Variants in CADM2 observed in about 807,000 individuals in gnomAD.
The protein encoded by CADM2 is cell adhesion molecule 2.
In CADM2, 12 loss-of-function variants were observed where a neutral mutation model predicts 49.8. The observed-to-expected ratio is 0.24, with a 90% CI of 0.15 to 0.39. The LOEUF (loss-of-function observed/expected upper bound fraction) is 0.39, where lower values mean the gene tolerates loss of function less well. Among genes scored for constraint, CADM2 ranks in the 10% least tolerant of loss-of-function variants. The pLI is 1.00. For missense variants in CADM2, 378 were observed against 492.3 expected (o/e 0.77, Z 2.20); for synonymous variants, 214 against 175.4 (o/e 1.22, Z -1.74).
At chr3:85,132,626 T>TTTTATA (rs1553686672) in intron 1 of CADM2, among the ~76,000 whole-genome samples, 424 of 146,890 alleles carry the variant, frequency 2.9e-3, no homozygotes, top group African/African-American at 9.1e-3. Context: ...CAAGGATATA[T>TTTTATA]TATATATATA....
chr3:85,256,766 T>C (rs34178549), intron 1 of CADM2, among the ~76,000 whole-genome samples: 6,787 of 152,174 alleles, frequency 0.045, 257 homozygotes, highest in Non-Finnish European at 0.059. Flanking sequence ...TCTGTAACTG[T>C]TTTGGTTGTT....
At chr3:85,383,503 CATATATATATATGTATATAT>C (rs1174321973) in intron 1 of CADM2, among the ~76,000 whole-genome samples, 11 of 109,226 alleles carry the variant, frequency 1.0e-4, no homozygotes, top group Middle Eastern at 5.4e-3. Context: ...TACATAAAAC[CATATATATATATGTATATAT>C]ATATATATAT....
intron 7 of CADM2, 88 bp downstream of exon 7, chr3:85,935,945 T>C (rs1323811743): frequency 1.5e-6 from 1 of 683,304 alleles, no homozygotes; most frequent in Non-Finnish European, 2.4e-6. Context: ...AATCCACAGT[T>C]TGTGTCTTTT....
chr3:85,421,843 T>A (rs960572505), intron 1 of CADM2, among the ~76,000 whole-genome samples: 4 of 152,252 alleles, frequency 2.6e-5, no homozygotes, highest in Non-Finnish European at 4.4e-5. Context: ...TTCTGTTTAA[T>A]CAGTATGGTG....
intron 1 of CADM2, among the ~76,000 whole-genome samples, chr3:85,631,215 T>C (rs1030198132): frequency 6.6e-6 from 1 of 152,056 alleles, no homozygotes; most frequent in African/African-American, 2.4e-5. Context: ...CTGAAAACTC[T>C]ACCTGAACTA....
chr3:85,066,794 A>C (rs988521731), intron 1 of CADM2, among the ~76,000 whole-genome samples: 1 of 152,162 alleles, frequency 6.6e-6, no homozygotes, highest in African/African-American at 2.4e-5. Context: ...TCCTGCTTTC[A>C]AGGTAAGTCC....
intron 8 of CADM2, among the ~76,000 whole-genome samples, chr3:86,026,852 A>G (rs1733962636): frequency 6.6e-6 from 1 of 152,228 alleles, no homozygotes; most frequent in Admixed American, 6.6e-5. Context: ...TGGTGTAGAC[A>G]TAAAAATTAA....
chr3:85,245,878 A>G (rs2042634845), intron 1 of CADM2, among the ~76,000 whole-genome samples: 1 of 152,174 alleles, frequency 6.6e-6, no homozygotes, highest in Non-Finnish European at 1.5e-5. Flanking sequence ...TGTAGGAATA[A>G]TAGTGGCTCA....
intron 1 of CADM2, among the ~76,000 whole-genome samples, chr3:85,378,340 C>A (rs2033711296): frequency 6.6e-6 from 1 of 151,942 alleles, no homozygotes; most frequent in Non-Finnish European, 1.5e-5. Context: ...TTATTTTGTT[C>A]CTGCAGGAGG....
At chr3:85,359,830 A>G (rs2032223005) in intron 1 of CADM2, among the ~76,000 whole-genome samples, 1 of 150,032 alleles carries the variant, frequency 6.7e-6, no homozygotes, top group East Asian at 2.0e-4. Context: ...ATGTAACCCA[A>G]GATCTGTGAA....
chr3:85,863,240 T>C (rs1460894056), intron 3 of CADM2, among the ~76,000 whole-genome samples: 2 of 151,998 alleles, frequency 1.3e-5, no homozygotes, highest in Admixed American at 6.6e-5. Flanking sequence ...AGTGAGGAGA[T>C]GAGGAAGTTG....
intron 1 of CADM2, among the ~76,000 whole-genome samples, chr3:85,343,462 C>T (rs2030169395): frequency 6.6e-6 from 1 of 152,042 alleles, no homozygotes; most frequent in African/African-American, 2.4e-5. Flanking sequence ...CACTGAATAC[C>T]ATACTTTACA....
intron 1 of CADM2, among the ~76,000 whole-genome samples, chr3:85,137,152 C>A (rs1409185557): frequency 1.3e-5 from 2 of 151,746 alleles, no homozygotes; most frequent in African/African-American, 4.8e-5. Context: ...ATTAAGACAT[C>A]AATTAAATCA....
rs1427462121 is a variant in CADM2, at chr3:86,043,963, C to G, written c.971-21642C>G. Among the ~76,000 whole-genome samples, 106 of 152,036 alleles carry G rather than the reference C, an allele frequency of 7.0e-4. 3 individuals are homozygous for G. The South Asian group carries it at 0.021, about 31-fold the overall frequency. On this transcript the variant is annotated intron_variant, in intron 8 of 9. Coordinates refer to ENST00000383699, the MANE Select transcript of CADM2 (RefSeq NM_001167675.2). ...CTGACGAAAACAAGAAATGGGGAAA[C>G]GGTTCCCTATTTAATAAATGGTGCT... is the stretch of plus-strand genomic sequence containing the variant.
intron 1 of CADM2, among the ~76,000 whole-genome samples, chr3:85,555,517 A>C (rs983762294): frequency 3.3e-5 from 5 of 152,148 alleles, no homozygotes; most frequent in Non-Finnish European, 5.9e-5. Context: ...CATATAATCA[A>C]AAGTAATTAT....
chr3:85,660,685 G>C (rs952813696), intron 1 of CADM2, among the ~76,000 whole-genome samples: 1 of 151,876 alleles, frequency 6.6e-6, no homozygotes, highest in Non-Finnish European at 1.5e-5. Context: ...AATGGGCAAA[G>C]TATGGGGGAA....
intron 1 of CADM2, among the ~76,000 whole-genome samples, chr3:85,138,295 T>A (rs1014541237): frequency 6.6e-6 from 1 of 152,128 alleles, no homozygotes; most frequent in Non-Finnish European, 1.5e-5. Flanking sequence ...TTCTCAAGAA[T>A]GGGAAAGGTG....
chr3:86,051,505 T>A (rs529055924), intron 8 of CADM2, among the ~76,000 whole-genome samples: 18 of 152,202 alleles, frequency 1.2e-4, no homozygotes, highest in Non-Finnish European at 2.4e-4. Flanking sequence ...TTAGGTATTC[T>A]ATAGAAATGT....
At chr3:85,588,304 G>C (rs1023558662) in intron 1 of CADM2, among the ~76,000 whole-genome samples, 1 of 151,892 alleles carries the variant, frequency 6.6e-6, no homozygotes, top group African/African-American at 2.4e-5. Context: ...AGAGATGTAC[G>C]GTGGCTTGTG....
Sources: gnomAD v4.1 joint callset for allele counts (sites outside exome capture counted in the v4.1 genomes callset) on GRCh38, gnomAD v4.1.1 for gene constraint, MANE v1.5 for transcripts, NCBI Gene and HGNC (gene_info 2026-07-23, HGNC 2026-07-21) for gene names.